The following F13A1 variants were observed in gnomAD, a reference collection of about 807,000 sequenced individuals.
The protein encoded by F13A1 is FSF, A subunit.
Under a neutral mutation model 80.1 loss-of-function variants are expected in F13A1, and 47 were observed. That is an observed-to-expected ratio of 0.59 (90% CI 0.46 to 0.75). The LOEUF is 0.75. Ranked by LOEUF, F13A1 falls within the 30% of genes least tolerant of loss-of-function variation. The probability of loss-of-function intolerance (pLI) is 0.00; values close to 1 mark genes in which losing one functional copy is unlikely to be tolerated. For synonymous variants in F13A1, 349 were observed against 344.9 expected, an observed-to-expected ratio of 1.01 and a Z score of -0.13; for missense variants, 817 against 930.4, an observed-to-expected ratio of 0.88 and a Z score of 1.59.
intron 6 of F13A1, among the ~76,000 whole-genome samples, chr6:6,244,537 A>G (rs971130571): frequency 1.3e-5 from 2 of 152,218 alleles, no homozygotes; most frequent in Non-Finnish European, 2.9e-5. Context: ...AAACTCCAAT[A>G]GCCCCAGGCT....
intron 3 of F13A1, among the ~76,000 whole-genome samples, chr6:6,300,937 T>C (rs58040494): frequency 0.18 from 26,989 of 152,186 alleles, 5,728 homozygotes; most frequent in African/African-American, 0.51. Context: ...TCTCTTGAAA[T>C]GGTGTTGCCA....
At chr6:6,187,486 G>T (rs1244249735) in intron 10 of F13A1, among the ~76,000 whole-genome samples, 138 of 65,226 alleles carry the variant, frequency 2.1e-3, no homozygotes, top group Non-Finnish European at 2.7e-3. Context: ...TAATCATGTG[G>T]TTTTTGTCTT....
chr6:6,244,110 C>T (rs1306470348), intron 6 of F13A1, among the ~76,000 whole-genome samples: 1 of 152,182 alleles, frequency 6.6e-6, no homozygotes, highest in Non-Finnish European at 1.5e-5. Flanking sequence ...ACTCAGGGCT[C>T]AGAGTCCATG....
At chr6:6,208,543 T>C (rs193188835) in intron 8 of F13A1, among the ~76,000 whole-genome samples, 3 of 152,292 alleles carry the variant, frequency 2.0e-5, no homozygotes, top group East Asian at 1.9e-4. Flanking sequence ...ATTATGTACA[T>C]TGAAAAAGTT....
rs148065753 is a variant in F13A1, at chr6:6,305,538, C to A, written c.132G>T (p.Glu44Asp). 10 of 1,614,024 alleles carry A rather than the reference C, an allele frequency of 6.2e-6. No individual in the cohort carries two copies. In the African/African-American group the frequency reaches 8.0e-5, roughly 13 times the overall value. ...GVVPRGVNLQ[E>D]FLNVTSVHLF... is the part of the protein sequence containing the mutation. ...GGTGAACGCTCGTGACATTAAGAAACTCTATGAACAAGAAAAACAAGGGTT... is the reference window on the plus strand; with the variant it reads ...GGTGAACGCTCGTGACATTAAGAAAATCTATGAACAAGAAAAACAAGGGTT... Residue 44 changes from glutamate (E) to aspartate (D), a missense_variant and splice_region_variant, in exon 3 of 15, where the codon GAG (glutamate) becomes GAT (aspartate). Glu to Asp is a conservative substitution (Grantham distance 45). Coordinates refer to ENST00000264870, the MANE Select transcript of F13A1 (RefSeq NM_000129.4).
At chr6:6,211,569 C>A (rs765475348) in intron 8 of F13A1, among the ~76,000 whole-genome samples, 1 of 152,204 alleles carries the variant, frequency 6.6e-6, no homozygotes, top group Non-Finnish European at 1.5e-5. Flanking sequence ...GCTTTGCAGA[C>A]AGTGATTAAA....
chr6:6,186,226 A>G (rs1761078149), intron 10 of F13A1, among the ~76,000 whole-genome samples: 1 of 150,282 alleles, frequency 6.7e-6, no homozygotes, highest in Non-Finnish European at 1.5e-5. Flanking sequence ...CTTGAGTTTC[A>G]TTAGATCCCA....
At chr6:6,153,130 T>A (rs1760407752) in intron 13 of F13A1, among the ~76,000 whole-genome samples, 1 of 152,228 alleles carries the variant, frequency 6.6e-6, no homozygotes. Context: ...ATTTATTAAA[T>A]TAAGTCAATG....
At chr6:6,207,093 A>AAAAC (rs1330330917) in intron 8 of F13A1, among the ~76,000 whole-genome samples, 1 of 152,104 alleles carries the variant, frequency 6.6e-6, no homozygotes, top group Non-Finnish European at 1.5e-5. Flanking sequence ...TTCAAGGAAA[A>AAAAC]AAACAAACAA....
At chr6:6,188,208 T>G (rs1761116548) in intron 10 of F13A1, among the ~76,000 whole-genome samples, 2 of 152,224 alleles carry the variant, frequency 1.3e-5, no homozygotes, top group Non-Finnish European at 2.9e-5. Flanking sequence ...AAGGGTTTTT[T>G]GTGTCTGTAT....
chr6:6,157,028 C>T (rs1760490413), intron 13 of F13A1, among the ~76,000 whole-genome samples: 1 of 152,178 alleles, frequency 6.6e-6, no homozygotes, highest in Non-Finnish European at 1.5e-5. Flanking sequence ...TGCTCAAGTT[C>T]ACACCATTAG....
chr6:6,257,623 C>T (rs914493282), intron 4 of F13A1, among the ~76,000 whole-genome samples: 3 of 152,206 alleles, frequency 2.0e-5, no homozygotes, highest in South Asian at 2.1e-4. Flanking sequence ...CCAGAATTTG[C>T]ACCCTCAGGC....
intron 3 of F13A1, among the ~76,000 whole-genome samples, chr6:6,271,064 GT>G (rs35546153): frequency 0.17 from 26,270 of 152,148 alleles, 2,387 homozygotes; most frequent in Non-Finnish European, 0.19. Flanking sequence ...TTATGGAAGC[GT>G]TATCAGGGAC....
At chr6:6,267,046 TAAGAC>T (rs1488133273) in intron 3 of F13A1, among the ~76,000 whole-genome samples, 2 of 152,294 alleles carry the variant, frequency 1.3e-5, no homozygotes, top group South Asian at 2.1e-4. Flanking sequence ...GATTCCACAT[TAAGAC>T]AAGCAAACAG....
intron 4 of F13A1, among the ~76,000 whole-genome samples, chr6:6,262,498 G>A (rs558082003): frequency 1.3e-5 from 2 of 152,350 alleles, no homozygotes; most frequent in South Asian, 4.1e-4. Flanking sequence ...AGAATTTGCA[G>A]AGATGTTTGG....
intron 1 of F13A1, 129 bp from the exon 2 acceptor site, chr6:6,318,811 G>T: frequency 2.1e-6 from 2 of 972,780 alleles, no homozygotes; most frequent in Non-Finnish European, 3.1e-6. Flanking sequence ...ACATTTTGCC[G>T]TTTGCATAAA....
chr6:6,205,123 A>T (rs1274350821), intron 8 of F13A1, among the ~76,000 whole-genome samples: 1 of 152,230 alleles, frequency 6.6e-6, no homozygotes, highest in Non-Finnish European at 1.5e-5. Flanking sequence ...CCGCCAAGAA[A>T]AAAGAAGAAA....
chr6:6,206,102 C>A (rs1253952267), intron 8 of F13A1, among the ~76,000 whole-genome samples: 1 of 151,478 alleles, frequency 6.6e-6, no homozygotes, highest in Non-Finnish European at 1.5e-5. Flanking sequence ...CAAGTGTCTC[C>A]ATAATTATTG....
chr6:6,228,338 CAG>C lies in F13A1; in HGVS notation c.799-3480_799-3479del, dbSNP rs377566603. 7.2e-4 allele frequency among the ~76,000 whole-genome samples: 110 copies of C among 152,306 alleles called. 1 individual carries two copies. Among genetic ancestry groups the C allele is most frequent in the African/African-American group, 2.6e-3 (108 of 41,560 alleles). ...AAAACATGAGGACTATGGAGTAAAGCAGAGAGGCAACATGGCTCAGCTCCTAA... is the reference window on the plus strand; with the variant it reads ...AAAACATGAGGACTATGGAGTAAAGCAGAGGCAACATGGCTCAGCTCCTAA... On this transcript the variant is annotated intron_variant, in intron 6 of 14. Coordinates refer to ENST00000264870, the MANE Select transcript of F13A1 (RefSeq NM_000129.4).
Sources: allele counts gnomAD v4.1 joint callset (sites outside exome capture counted in the v4.1 genomes callset), GRCh38; gene constraint gnomAD v4.1.1; transcripts MANE v1.5; gene names NCBI Gene and HGNC (gene_info 2026-07-23, HGNC 2026-07-21).